Variants in BLTP1 observed in about 807,000 individuals in gnomAD.
BLTP1 encodes bridge-like lipid transfer protein family member 1, also known as fragile site-associated protein.
chr4:122,157,273 G>A, the BLTP1 span, among the ~76,000 whole-genome samples: 2 of 152,120 alleles, frequency 1.3e-5, no homozygotes, highest in Admixed American at 6.5e-5. Flanking sequence ...TGACTAAACT[G>A]GGTGCTTCTG....
the BLTP1 span, among the ~76,000 whole-genome samples, chr4:122,326,247 A>G: frequency 6.6e-6 from 1 of 151,796 alleles, no homozygotes; most frequent in Admixed American, 6.6e-5. Flanking sequence ...TTCATAAACA[A>G]AGATCAGTTC....
the BLTP1 span, chr4:122,261,967 C>G: frequency 2.0e-6 from 2 of 985,382 alleles, no homozygotes; most frequent in Non-Finnish European, 2.4e-6. Flanking sequence ...GCACTGGTAT[C>G]CATTGCGTCA....
chr4:122,255,098 C>T, the BLTP1 span: 1 of 1,575,058 alleles, frequency 6.3e-7, no homozygotes. Context: ...TCATACCTAT[C>T]ACTCTAAATC....
the BLTP1 span, among the ~76,000 whole-genome samples, chr4:122,253,749 G>A: frequency 6.6e-6 from 1 of 152,114 alleles, no homozygotes; most frequent in African/African-American, 2.4e-5. Context: ...GGTAACAACA[G>A]AGAACTTCCC....
At chr4:122,203,382 G>C in the BLTP1 span, among the ~76,000 whole-genome samples, 1 of 150,658 alleles carries the variant, frequency 6.6e-6, no homozygotes. Flanking sequence ...GATTTACTCT[G>C]ATAAGGAGGA....
the BLTP1 span, among the ~76,000 whole-genome samples, chr4:122,177,474 A>G: frequency 6.6e-6 from 1 of 152,066 alleles, no homozygotes; most frequent in Non-Finnish European, 1.5e-5. Flanking sequence ...CTCTTCCCAG[A>G]TTTTCCCGTG....
the BLTP1 span, chr4:122,279,832 G>T: frequency 1.9e-6 from 3 of 1,613,936 alleles, no homozygotes; most frequent in Admixed American, 1.7e-5. Context: ...CCCAAAGAGG[G>T]CTGAAGACAA....
At chr4:122,178,179 A>C in the BLTP1 span, 1 of 858,940 alleles carries the variant, frequency 1.2e-6, no homozygotes, top group Non-Finnish European at 1.4e-6. Flanking sequence ...TCCCAGATAG[A>C]CCTATACCAG....
chr4:122,211,165 G>T, the BLTP1 span: 1 of 1,349,030 alleles, frequency 7.4e-7, no homozygotes, highest in South Asian at 1.3e-5. Context: ...ATTGAAAATT[G>T]AGACCGTTTG....
the BLTP1 span, among the ~76,000 whole-genome samples, chr4:122,323,591 ACTT>A: frequency 6.6e-6 from 1 of 152,116 alleles, no homozygotes; most frequent in Admixed American, 6.6e-5. Flanking sequence ...TTCCTTGATC[ACTT>A]CTTAACTCCC....
chr4:122,318,980 G>T, the BLTP1 span, among the ~76,000 whole-genome samples: 2 of 151,972 alleles, frequency 1.3e-5, no homozygotes, highest in African/African-American at 4.8e-5. Flanking sequence ...TCAAGGAATC[G>T]GTCTATTTCA....
the BLTP1 span, among the ~76,000 whole-genome samples, chr4:122,186,838 A>G: frequency 1.3e-5 from 2 of 151,986 alleles, no homozygotes; most frequent in African/African-American, 4.8e-5. Flanking sequence ...TTATTTATAT[A>G]TTATCTATCT....
the BLTP1 span, among the ~76,000 whole-genome samples, chr4:122,317,186 G>T: frequency 6.6e-6 from 1 of 152,020 alleles, no homozygotes; most frequent in East Asian, 1.9e-4. Flanking sequence ...ACAAAAATTA[G>T]CTGGGCGTGG....
chr4:122,266,859 T>C, the BLTP1 span: 1 of 1,612,338 alleles, frequency 6.2e-7, no homozygotes, highest in Non-Finnish European at 8.5e-7. Flanking sequence ...CGAATGTACT[T>C]TGGAGAACAC....
chr4:122,209,989 T>C, the BLTP1 span: 1 of 1,555,196 alleles, frequency 6.4e-7, no homozygotes, highest in South Asian at 1.2e-5. Context: ...TCATGAAAAA[T>C]AAGAAGCAAA....
the BLTP1 span, among the ~76,000 whole-genome samples, chr4:122,270,077 A>G: frequency 6.6e-6 from 1 of 152,042 alleles, no homozygotes; most frequent in African/African-American, 2.4e-5. Flanking sequence ...TCTCAAAATC[A>G]AGTTTTTCCA....
chr4:122,237,301 A>C, the BLTP1 span: 2 of 985,216 alleles, frequency 2.0e-6, no homozygotes, highest in South Asian at 9.4e-5. Flanking sequence ...CCAGCCCCTC[A>C]GTTTATATAA....
the BLTP1 span, chr4:122,276,768 G>A: frequency 3.1e-6 from 3 of 969,582 alleles, no homozygotes; most frequent in African/African-American, 3.5e-5. Flanking sequence ...CTGAGAAATA[G>A]TGTCTTGTGG....
the BLTP1 span, chr4:122,333,764 T>C: frequency 6.2e-7 from 1 of 1,611,530 alleles, no homozygotes; most frequent in Non-Finnish European, 8.5e-7. Flanking sequence ...CAAAGCCTAG[T>C]GACTTAGAAA....
Sources: allele counts gnomAD v4.1 joint callset (sites outside exome capture counted in the v4.1 genomes callset), GRCh38; gene constraint gnomAD v4.1.1; transcripts MANE v1.5; gene names NCBI Gene and HGNC (gene_info 2026-07-23, HGNC 2026-07-21).